Variants in EBF1 observed in about 807,000 individuals in gnomAD.
EBF1 encodes transcription factor COE1.
Under a neutral mutation model 68.4 loss-of-function variants are expected in EBF1, and 10 were observed. The ratio of observed to expected loss-of-function variants is 0.15; its 90% CI spans 0.09 to 0.25. The LOEUF (loss-of-function observed/expected upper bound fraction) is 0.25. EBF1 is among the 10% of genes least tolerant of loss of function. The pLI, the probability that EBF1 is intolerant of heterozygous loss-of-function variation, is 1.00. For synonymous variants in EBF1, 298 were observed against 299.8 expected, an observed-to-expected ratio of 0.99 and a Z score of 0.06; for missense variants, 509 against 794.4, an observed-to-expected ratio of 0.64 and a Z score of 4.32.
At chr5:159,011,957 G>C (rs544145193) in intron 6 of EBF1, among the ~76,000 whole-genome samples, 7 of 152,334 alleles carry the variant, frequency 4.6e-5, no homozygotes, top group East Asian at 3.9e-4. Flanking sequence ...CTAACCAAGA[G>C]AGACCTTACT....
At chr5:158,938,001 C>T (rs147606206) in intron 6 of EBF1, among the ~76,000 whole-genome samples, 85 of 152,264 alleles carry the variant, frequency 5.6e-4, no homozygotes, top group African/African-American at 1.9e-3. Flanking sequence ...TCGTCGTGGA[C>T]CTGGCATGTT....
chr5:158,862,438 C>T (rs1012774826), intron 6 of EBF1, among the ~76,000 whole-genome samples: 1 of 152,188 alleles, frequency 6.6e-6, no homozygotes, highest in African/African-American at 2.4e-5. Context: ...TCTTCACCTG[C>T]CATTCTACAA....
chr5:159,058,162 G>A (rs546943029), intron 6 of EBF1, among the ~76,000 whole-genome samples: 55 of 152,154 alleles, frequency 3.6e-4, no homozygotes, highest in Non-Finnish European at 6.5e-4. Flanking sequence ...AAACCCAGCC[G>A]TTTAATCAGA....
chr5:158,849,955 T>C (rs1173777932), intron 6 of EBF1, among the ~76,000 whole-genome samples: 4 of 152,226 alleles, frequency 2.6e-5, no homozygotes, highest in Admixed American at 2.6e-4. Flanking sequence ...ATGTGAACAG[T>C]TAAGAGCTAT....
At chr5:158,764,760 A>G (rs11740542) in intron 10 of EBF1, among the ~76,000 whole-genome samples, 28,787 of 152,160 alleles carry the variant, frequency 0.19, 3,011 homozygotes, top group African/African-American at 0.26. Context: ...AAAAAGTGGA[A>G]TAAAACTGGG....
chr5:158,785,351 A>G (rs1296709802), intron 9 of EBF1, among the ~76,000 whole-genome samples: 1 of 152,200 alleles, frequency 6.6e-6, no homozygotes, highest in Non-Finnish European at 1.5e-5. Context: ...CTGAAATATG[A>G]AAAGTATATA....
intron 6 of EBF1, among the ~76,000 whole-genome samples, chr5:159,044,084 A>C (rs1019197599): frequency 6.6e-6 from 1 of 152,242 alleles, no homozygotes; most frequent in Non-Finnish European, 1.5e-5. Context: ...CTAATTGTTG[A>C]ATAAAACTGT....
At chr5:158,750,735 C>A (rs1332488579) in intron 10 of EBF1, among the ~76,000 whole-genome samples, 1 of 150,988 alleles carries the variant, frequency 6.6e-6, no homozygotes, top group African/African-American at 2.4e-5. Context: ...AAAATTATTT[C>A]AAAAGTTTTT....
chr5:158,969,037 C>T (rs1754762424), intron 6 of EBF1, among the ~76,000 whole-genome samples: 1 of 152,224 alleles, frequency 6.6e-6, no homozygotes, highest in South Asian at 2.1e-4. Flanking sequence ...CACGGTTGCT[C>T]ACGCCTGTAA....
At position 158,909,973 on chromosome 5, in the gene EBF1, A is replaced by G. The variant is rs907386693; in HGVS notation, c.555-69863T>C. The stretch of plus-strand genomic sequence containing the variant: ...TCTGTCTATAAAAAAAAAAAAAAAA[A>G]AAAAAAAAAAAAATGCAGGGGAAAG... On this transcript the variant is annotated intron_variant, in intron 6 of 15. Coordinates refer to ENST00000313708, the MANE Select transcript of EBF1 (RefSeq NM_024007.5). 1.0e-3 allele frequency among the ~76,000 whole-genome samples: 154 copies of G among 150,616 alleles called. 2 individuals are homozygous for G. Among genetic ancestry groups the G allele is most frequent in the African/African-American group, 3.6e-3 (147 of 41,066 alleles).
At chr5:158,820,497 G>T (rs1784614103) in intron 8 of EBF1, among the ~76,000 whole-genome samples, 1 of 152,118 alleles carries the variant, frequency 6.6e-6, no homozygotes, top group Non-Finnish European at 1.5e-5. Flanking sequence ...ATGAGTGGGT[G>T]GTTTTGTGTG....
intron 6 of EBF1, among the ~76,000 whole-genome samples, chr5:159,057,622 C>T (rs1027527047): frequency 1.3e-5 from 2 of 152,152 alleles, no homozygotes; most frequent in African/African-American, 2.4e-5. Context: ...GGAACCAGAG[C>T]CAGGGACTTG....
At chr5:159,072,261 TG>T (rs1366784346) in intron 6 of EBF1, among the ~76,000 whole-genome samples, 2 of 152,198 alleles carry the variant, frequency 1.3e-5, no homozygotes, top group East Asian at 3.8e-4. Flanking sequence ...GGCAATCAAT[TG>T]GGTTTATGCC....
At chr5:158,767,254 T>C (rs1343781574) in intron 10 of EBF1, among the ~76,000 whole-genome samples, 1 of 152,162 alleles carries the variant, frequency 6.6e-6, no homozygotes, top group Non-Finnish European at 1.5e-5. Flanking sequence ...GGATAATCAT[T>C]ATTTCATACT....
At chr5:158,820,184 A>G (rs1248124555) in intron 8 of EBF1, among the ~76,000 whole-genome samples, 1 of 147,330 alleles carries the variant, frequency 6.8e-6, no homozygotes, top group African/African-American at 2.5e-5. Context: ...AAAGTCCAGA[A>G]TGGGGGAGAA....
chr5:158,791,316 C>A (rs1230525407), intron 9 of EBF1, among the ~76,000 whole-genome samples: 4 of 116,000 alleles, frequency 3.4e-5, no homozygotes, highest in East Asian at 5.1e-4. Flanking sequence ...AAGATTCCAT[C>A]TCAAAAAAAA....
intron 5 of EBF1, among the ~76,000 whole-genome samples, chr5:159,077,991 C>T (rs1024280492): frequency 1.3e-5 from 2 of 152,008 alleles, no homozygotes; most frequent in African/African-American, 2.4e-5. Flanking sequence ...CCACCCAGCT[C>T]GACCTCCCAA....
chr5:158,777,881 C>T (rs1337289080), intron 9 of EBF1, among the ~76,000 whole-genome samples: 1 of 152,126 alleles, frequency 6.6e-6, no homozygotes, highest in Non-Finnish European at 1.5e-5. Context: ...TGCCGTGACT[C>T]TCCAGAAGCT....
chr5:159,013,704 T>A (rs1017748822), intron 6 of EBF1, among the ~76,000 whole-genome samples: 2 of 152,070 alleles, frequency 1.3e-5, no homozygotes, highest in African/African-American at 4.8e-5. Context: ...AATAAGGACT[T>A]TAGCTTAACA....
Sources: gnomAD v4.1 joint callset for allele counts (sites outside exome capture counted in the v4.1 genomes callset) on GRCh38, gnomAD v4.1.1 for gene constraint, MANE v1.5 for transcripts, NCBI Gene and HGNC (gene_info 2026-07-23, HGNC 2026-07-21) for gene names.